The following SEC16A variants were observed in gnomAD, a reference collection of about 807,000 sequenced individuals.
The protein encoded by SEC16A is SEC16 homolog A, endoplasmic reticulum export factor, also known as protein transport protein Sec16A.
A neutral mutation model predicts 221.9 loss-of-function variants in SEC16A; 110 were observed. The ratio of observed to expected loss-of-function variants is 0.50; its 90% CI spans 0.42 to 0.58. The LOEUF is 0.58. Among genes scored for constraint, SEC16A ranks in the 20% least tolerant of loss-of-function variants. The probability of loss-of-function intolerance (pLI) is 0.00; values close to 1 mark genes in which losing one functional copy is unlikely to be tolerated. For missense variants in SEC16A, 3,165 were observed against 3,097.8 expected (o/e 1.02, Z -0.52); for synonymous variants, 1,393 against 1,257.7 (o/e 1.11, Z -2.28).
At position 136,445,626 on chromosome 9, in the gene SEC16A, T is replaced by G. The variant is rs1418100624; in HGVS notation, c.6867+19A>C. The stretch of plus-strand genomic sequence containing the variant: ...GGGAGGCCTGGGCTGCGGGGGGCCC[T>G]GGCGTCGGCACTCCTTACCTCTCCT... On this transcript the variant is annotated intron_variant, in intron 29 of 31. Transcript: ENST00000684901. 1 of 1,541,128 alleles carries G rather than the reference T, an allele frequency of 6.5e-7. No homozygotes were observed. The highest frequency in any genetic ancestry group is 8.8e-7 in the Non-Finnish European group (1 of 1,140,066).
At chr9:136,448,582 A>G in intron 23 of SEC16A, 3 of 707,464 alleles carry the variant, frequency 4.2e-6, no homozygotes, top group Non-Finnish European at 7.8e-6. Context: ...AGATCCATAG[A>G]GACACCAGGA....
Position 136,475,457 on chromosome 9 carries a change from C to T in SEC16A, c.2159G>A (p.Ser720Asn), listed in dbSNP as rs201861927. ...TTGCGCCCACAGAGTCGTTGCTGGG[C>T]TCTCACACTTCACGGGCCCCTGGGT... ...ARTQGPVKCE[S>N]PATTLWAQSE... Residue 720 changes from serine (S) to asparagine (N), a missense_variant, in exon 3 of 32, where the codon AGC becomes AAC. Transcript: ENST00000684901. This position sits in a 1 kb window ranked among gnomAD's most constrained non-coding sequence, Gnocchi z 5.0. 8.7e-6 allele frequency: 14 copies of T among 1,609,282 alleles called. No homozygotes were observed. Among genetic ancestry groups the T allele is most frequent in the Non-Finnish European group, 1.2e-5 (14 of 1,177,126 alleles).
intron 17 of SEC16A, 142 bp downstream of exon 17, chr9:136,458,992 C>T: frequency 1.8e-6 from 1 of 551,132 alleles, no homozygotes; most frequent in South Asian, 2.7e-5. Flanking sequence ...CATTTTAGAT[C>T]AAATGTCTTC....
intron 30 of SEC16A, 68 bp from the exon 31 acceptor site, chr9:136,443,968 T>A (rs897534078): frequency 4.6e-6 from 5 of 1,088,376 alleles, no homozygotes; most frequent in Non-Finnish European, 6.6e-6. Flanking sequence ...CAAGTGCAGA[T>A]ACAGACACCG....
At position 136,455,655 on chromosome 9, in the gene SEC16A, C is replaced by T; in HGVS notation, c.5803G>A (p.Val1935Met). ...GAGTGCTCAGGGCTCGGTGCAGGCA[C>T]CGCCAGCAGAGGGTTGGCGATCCCC... ...ALGIANPLLA[V>M]PAPSPEHSSP... Residue 1935 changes from valine (V) to methionine (M), a missense_variant, in exon 20 of 32, where the codon GTG becomes ATG. Around this residue, in one of 3 missense-constraint regions of SEC16A, gnomAD observed 1,088 missense variants for 1,089.6 expected, o/e 1.00. Coordinates refer to ENST00000684901, the MANE Select transcript of SEC16A (RefSeq NM_014866.2). 2.5e-6 allele frequency: 4 copies of T among 1,591,698 alleles called. No homozygotes were observed. The highest frequency in any genetic ancestry group is 3.4e-6 in the Non-Finnish European group (4 of 1,170,320).
At position 136,453,467 on chromosome 9, in the gene SEC16A, C is replaced by T; in HGVS notation, c.6120G>A (p.Glu2040=). The T allele has an allele frequency of 6.2e-7, 1 of 1,613,494 alleles. No homozygotes were observed. The highest frequency in any genetic ancestry group is 1.1e-5 in the South Asian group (1 of 91,072). The change falls in exon 22 of 32, where the codon GAG becomes GAA. Residue 2040 remains glutamate (E), a synonymous_variant. Coordinates refer to ENST00000684901, the MANE Select transcript of SEC16A (RefSeq NM_014866.2). ...QEAPVGNSLS[E]LSEENFDGKF... is the part of the protein sequence containing the mutation. ...TTCCATCAAAATTTTCTTCGCTTAG[C>T]TCGGAAAGTGAGTTTCCAACAGGCG... is the stretch of plus-strand genomic sequence containing the variant.
rs765140740 is a variant in SEC16A at position 136,474,687 on chromosome 9, C to A, written c.2929G>T (p.Asp977Tyr). The change falls in exon 3 of 32, where the codon GAT (aspartate) becomes TAT (tyrosine). Residue 977 changes from aspartate to tyrosine, a missense_variant. Asp to Tyr is a radical substitution (Grantham distance 160). Coordinates refer to ENST00000684901, the MANE Select transcript of SEC16A (RefSeq NM_014866.2). ...VPPAHGTLVP[D>Y]GNKANHSSHQ... The stretch of plus-strand genomic sequence containing the variant: ...CTGGAATGGTTTGCCTTATTACCAT[C>A]AGGCACCAGGGTGCCGTGTGCAGGT... The A allele has an allele frequency of 2.2e-5, 35 of 1,613,664 alleles. No individual in the cohort carries two copies. The Admixed American group carries it at 5.5e-4, about 25-fold the overall frequency.
intron 19 of SEC16A, 108 bp downstream of exon 19, chr9:136,455,945 C>A (rs186611805): frequency 4.2e-6 from 5 of 1,190,674 alleles, no homozygotes; most frequent in Non-Finnish European, 6.0e-6. Context: ...CATAGGCACA[C>A]GTTTGCAGTT....
chr9:136,483,659 G>A (rs1244649862), upstream of SEC16A: 4 of 985,502 alleles, frequency 4.1e-6, no homozygotes, highest in African/African-American at 3.5e-5. Flanking sequence ...CCACAAGCGG[G>A]AAATCAGTCT....
Position 136,475,086 on chromosome 9 carries a change from T to G in SEC16A, c.2530A>C (p.Asn844His), listed in dbSNP as rs989792670. The change falls in exon 3 of 32, where the codon AAC becomes CAC. Residue 844 changes from asparagine (N) to histidine (H), a missense_variant. Transcript: ENST00000684901. This position sits in a 1 kb window ranked among gnomAD's most constrained non-coding sequence, Gnocchi z 5.0. ...GAGTTCGATAAGGACACAGAAAAGT[T>G]AATGGGCTGAGCCAGATTATAGCTG... ...DHSYNLAQPI[N>H]FSVSLSNSHE... The G allele has an allele frequency of 6.2e-7, 1 of 1,613,558 alleles. No individual in the cohort carries two copies. Among genetic ancestry groups the G allele is most frequent in the African/African-American group, 1.3e-5 (1 of 74,836 alleles).
Position 136,454,283 on chromosome 9 carries a change from C to G in SEC16A, c.5902G>C (p.Val1968Leu). ...GGCAGTGGCACTGGGAACATCGGCACTCTGGCAGGACTGGCCAATGGGCCG... is the reference window on the plus strand; with the variant it reads ...GGCAGTGGCACTGGGAACATCGGCAGTCTGGCAGGACTGGCCAATGGGCCG... ...PDGPLASPAR[V>L]PMFPVPLPPG... The change falls in exon 21 of 32, where the codon GTG becomes CTG. Residue 1968 changes from valine to leucine, a missense_variant. Val to Leu is a conservative substitution (Grantham distance 32, BLOSUM62 1). Coordinates refer to ENST00000684901, the MANE Select transcript of SEC16A (RefSeq NM_014866.2). The G allele has an allele frequency of 6.3e-7, 1 of 1,583,924 alleles. No homozygotes were observed. Among genetic ancestry groups the G allele is most frequent in the South Asian group, 1.2e-5 (1 of 86,640 alleles).
chr9:136,441,604 G>A lies in SEC16A; in HGVS notation c.*151C>T. Reference sequence around the variant, plus strand: ...AATTTTCAAAATAATTCATTACGATGGGCGGTGAGGAGGGAGGCACAGTGT... The same window carrying A: ...AATTTTCAAAATAATTCATTACGATAGGCGGTGAGGAGGGAGGCACAGTGT... On this transcript the variant is annotated 3_prime_UTR_variant, in exon 32 of 32. Coordinates refer to ENST00000684901, the MANE Select transcript of SEC16A (RefSeq NM_014866.2). The A allele has an allele frequency of 1.6e-6, 1 of 621,272 alleles. No individual in the cohort carries two copies. Among genetic ancestry groups the A allele is most frequent in the Non-Finnish European group, 2.9e-6 (1 of 339,558 alleles). The allele number at this position is 621,272 out of a possible 1,614,324, so 38.5% of individuals were successfully genotyped here.
chr9:136,475,006 G>C lies in SEC16A; in HGVS notation c.2610C>G (p.Val870=), dbSNP rs1158705414. 1 of 1,613,670 alleles carries C rather than the reference G, an allele frequency of 6.2e-7. No homozygotes were observed. The highest frequency in any genetic ancestry group is 2.2e-5 in the East Asian group (1 of 44,874). ...REALVGDRPA[V]SSWALGGDSG... ...AATCACCACCGAGAGCCCAACTGCT[G>C]ACTGCAGGTCTATCCCCCACCAAAG... Residue 870 remains valine (V), a synonymous_variant, in exon 3 of 32, where the codon GTC becomes GTG. Transcript: ENST00000684901. This position sits in a 1 kb window ranked among gnomAD's most constrained non-coding sequence, Gnocchi z 5.0.
rs184695023 is a variant in SEC16A, at chr9:136,479,598, C to T, written c.-191-768G>A. ...TGATCTCCTGACCTCATAATCCACC[C>T]GCCTCGGCCTCCCAAAGTGCTGGGA... On this transcript the variant is annotated intron_variant, in intron 1 of 31. Coordinates refer to ENST00000684901, the MANE Select transcript of SEC16A (RefSeq NM_014866.2). Among the ~76,000 whole-genome samples the T allele has an allele frequency of 4.6e-3, 706 of 152,264 alleles. 8 individuals are homozygous for T. Among genetic ancestry groups the T allele is most frequent in the African/African-American group, 0.017 (694 of 41,532 alleles).
Position 136,447,197 on chromosome 9 carries a change from C to T in SEC16A, c.6697+30G>A, listed in dbSNP as rs1307478701. 1.1e-5 allele frequency: 17 copies of T among 1,579,526 alleles called. No individual in the cohort carries two copies. In the South Asian group the frequency reaches 1.9e-4, roughly 17 times the overall value. On this transcript the variant is annotated intron_variant, in intron 27 of 31. Coordinates refer to ENST00000684901, the MANE Select transcript of SEC16A (RefSeq NM_014866.2). This position sits in a 1 kb window ranked among gnomAD's most constrained non-coding sequence, Gnocchi z 5.5. ...CAAAGGTCAGGAGACTGGGGGCTGA[C>T]CTGGAGGGGCTGGTGCTCGTGCTAC...
intron 17 of SEC16A, among the ~76,000 whole-genome samples, chr9:136,458,420 A>T (rs1839010176): frequency 1.3e-5 from 2 of 151,792 alleles, no homozygotes; most frequent in South Asian, 4.2e-4. Flanking sequence ...CAAGGTCAGG[A>T]GATCAAGACC....
upstream of SEC16A, chr9:136,484,721 C>T (rs112337334): frequency 8.8e-6 from 12 of 1,366,720 alleles, no homozygotes; most frequent in African/African-American, 4.4e-5. Context: ...GTCCGGCTGA[C>T]GTGGCACCAG....
intron 28 of SEC16A, among the ~76,000 whole-genome samples, chr9:136,446,035 C>T (rs1836925886): frequency 6.6e-6 from 1 of 151,636 alleles, no homozygotes; most frequent in Non-Finnish European, 1.5e-5. Context: ...CCATGCTTTA[C>T]ACAGCTGATG....
At chr9:136,477,822 A>C in intron 2 of SEC16A, 138 bp from the exon 3 acceptor site, 2 of 812,896 alleles carry the variant, frequency 2.5e-6, no homozygotes, top group Non-Finnish European at 3.6e-6. Context: ...TCTCCCCTAC[A>C]CCCCACCCCA....
Sources: gnomAD v4.1 joint callset for allele counts (sites outside exome capture counted in the v4.1 genomes callset) on GRCh38, gnomAD v4.1.1 for gene constraint, gnomAD v4.1.1 regional missense constraint, Gnocchi (gnomAD v3.1) non-coding constraint, MANE v1.5 for transcripts, NCBI Gene and HGNC (gene_info 2026-07-23, HGNC 2026-07-21) for gene names.